The following NDST4 variants were observed in gnomAD, a reference collection of about 807,000 sequenced individuals.
NDST4 encodes N-deacetylase and N-sulfotransferase 4.
A neutral mutation model predicts 100.8 loss-of-function variants in NDST4; 63 were observed. That is an observed-to-expected ratio of 0.62 (90% CI 0.51 to 0.77). NDST4 has a LOEUF of 0.77. NDST4 is among the 30% of genes least tolerant of loss of function. The pLI is 0.00. For missense variants in NDST4, 943 were observed against 1,018.4 expected, an observed-to-expected ratio of 0.93 and a Z score of 1.01; for synonymous variants, 377 against 361.8, an observed-to-expected ratio of 1.04 and a Z score of -0.48.
chr4:114,904,244 C>T (rs1724904898), intron 6 of NDST4, among the ~76,000 whole-genome samples: 1 of 151,908 alleles, frequency 6.6e-6, no homozygotes, highest in Non-Finnish European at 1.5e-5. Context: ...TTAACTACCA[C>T]ATACATCATA....
At chr4:114,961,531 A>G (rs1271760431) in intron 4 of NDST4, among the ~76,000 whole-genome samples, 1 of 152,006 alleles carries the variant, frequency 6.6e-6, no homozygotes, top group African/African-American at 2.4e-5. Flanking sequence ...CCTTATACAA[A>G]TAATAACTGC....
At position 114,989,928 on chromosome 4, in the gene NDST4, A is replaced by T. The variant is rs1481438552; in HGVS notation, c.979-12654T>A. Among the ~76,000 whole-genome samples, 5 of 152,184 alleles carry T rather than the reference A, an allele frequency of 3.3e-5. No individual in the cohort carries two copies. The East Asian group carries it at 9.6e-4, about 29-fold the overall frequency. ...AAAGTACCAGCTACCTTTATTCTTC[A>T]GTAGAGAAGTGTCTCTTCAAAATCC... On this transcript the variant is annotated intron_variant, in intron 2 of 13. Coordinates refer to ENST00000264363, the MANE Select transcript of NDST4 (RefSeq NM_022569.3).
intron 2 of NDST4, among the ~76,000 whole-genome samples, chr4:115,057,048 T>C (rs942255921): frequency 2.0e-5 from 3 of 152,168 alleles, no homozygotes; most frequent in Non-Finnish European, 2.9e-5. Flanking sequence ...TCGTGCACTG[T>C]AGTTACTTAA....
At chr4:114,986,739 G>T (rs533712069) in intron 2 of NDST4, among the ~76,000 whole-genome samples, 1 of 141,490 alleles carries the variant, frequency 7.1e-6, no homozygotes, top group Non-Finnish European at 1.5e-5. Flanking sequence ...ATCAGTTAGG[G>T]CACTGGCATT....
intron 4 of NDST4, among the ~76,000 whole-genome samples, chr4:114,966,625 A>G (rs1289318088): frequency 6.6e-6 from 1 of 152,136 alleles, no homozygotes; most frequent in Admixed American, 6.5e-5. Flanking sequence ...AGGGATAATG[A>G]GGAATGTCAG....
At chr4:114,887,026 A>G (rs1311287165) in intron 6 of NDST4, among the ~76,000 whole-genome samples, 1 of 152,168 alleles carries the variant, frequency 6.6e-6, no homozygotes, top group Non-Finnish European at 1.5e-5. Flanking sequence ...CGAGGTACAT[A>G]ATGGCCACTA....
intron 1 of NDST4, among the ~76,000 whole-genome samples, chr4:115,084,068 T>C (rs1729360772): frequency 6.6e-6 from 1 of 152,156 alleles, no homozygotes; most frequent in Non-Finnish European, 1.5e-5. Flanking sequence ...AAGATAAAGT[T>C]TGGAACTTCC....
chr4:114,977,761 G>GT (rs1726670644), intron 2 of NDST4, among the ~76,000 whole-genome samples: 1 of 151,856 alleles, frequency 6.6e-6, no homozygotes, highest in African/African-American at 2.4e-5. Context: ...GAAAGCTTGG[G>GT]TTTTTACCTT....
At chr4:114,857,382 T>C (rs893741851) in intron 7 of NDST4, among the ~76,000 whole-genome samples, 2 of 152,140 alleles carry the variant, frequency 1.3e-5, no homozygotes, top group Admixed American at 6.5e-5. Flanking sequence ...AACAATTCAC[T>C]GTAAGATGGG....
At chr4:115,003,701 AC>A (rs1287529819) in intron 2 of NDST4, among the ~76,000 whole-genome samples, 1 of 152,048 alleles carries the variant, frequency 6.6e-6, no homozygotes, top group Non-Finnish European at 1.5e-5. Flanking sequence ...CTCCATCTCT[AC>A]TAAAAGTATA....
chr4:114,947,395 A>T (rs932680068), intron 4 of NDST4, among the ~76,000 whole-genome samples: 11 of 152,156 alleles, frequency 7.2e-5, no homozygotes, highest in Admixed American at 1.3e-4. Context: ...GACAACAAAG[A>T]TGTGGTAGCA....
intron 2 of NDST4, among the ~76,000 whole-genome samples, chr4:115,048,855 T>A (rs1211129222): frequency 6.6e-6 from 1 of 151,850 alleles, no homozygotes; most frequent in Non-Finnish European, 1.5e-5. Context: ...GCCAGGCTGG[T>A]CTTGAACTCC....
At chr4:115,087,585 G>A (rs1162111152) in intron 1 of NDST4, among the ~76,000 whole-genome samples, 1 of 151,750 alleles carries the variant, frequency 6.6e-6, no homozygotes, top group African/African-American at 2.4e-5. Context: ...CATGTGAAAA[G>A]TGTTGGCATT....
At chr4:114,937,054 A>C (rs1380780224) in intron 5 of NDST4, among the ~76,000 whole-genome samples, 3 of 152,216 alleles carry the variant, frequency 2.0e-5, no homozygotes, top group African/African-American at 7.2e-5. Context: ...TCAATACTGA[A>C]ACTAAAGTGG....
At chr4:115,045,485 G>T (rs1728445715) in intron 2 of NDST4, among the ~76,000 whole-genome samples, 1 of 152,126 alleles carries the variant, frequency 6.6e-6, no homozygotes, top group African/African-American at 2.4e-5. Flanking sequence ...CCACAGAAAT[G>T]ATCCCTGAGA....
In NDST4 at chr4:114,901,264, A is replaced by G. The variant is rs567441206; in HGVS notation, c.1537-30314T>C. ...TGGGTGTTAAATTTTCAATTACAATACTGGATTAATCTATTTCTCTTTGAA... is the reference window on the plus strand; with the variant it reads ...TGGGTGTTAAATTTTCAATTACAATGCTGGATTAATCTATTTCTCTTTGAA... On this transcript the variant is annotated intron_variant, in intron 6 of 13. Transcript: ENST00000264363. 3.9e-4 allele frequency among the ~76,000 whole-genome samples: 60 copies of G among 152,138 alleles called. 1 individual carries two copies. The South Asian group carries it at 0.012, about 29-fold the overall frequency.
Position 115,076,751 on chromosome 4 carries a change from T to C in NDST4, c.286A>G (p.Ile96Val). ...SQYSQLGQDI[I>V]AILESSRFQY... Reference sequence around the variant, plus strand: ...AATCGGCTGGACTCCAAAATAGCTATGATATCTTGACCGAGTTGAGAGTAT... The same window carrying C: ...AATCGGCTGGACTCCAAAATAGCTACGATATCTTGACCGAGTTGAGAGTAT... Residue 96 changes from isoleucine to valine, a missense_variant, in exon 2 of 14, where the codon ATA (isoleucine) becomes GTA (valine). Physicochemically the swap from Ile to Val is conservative, Grantham distance 29. This residue lies in a region of NDST4 where 417 missense variants were observed against 384.2 expected (regional missense o/e 1.09). Transcript: ENST00000264363. 2.5e-6 allele frequency: 4 copies of C among 1,613,986 alleles called. No homozygotes were observed. Among genetic ancestry groups the C allele is most frequent in the Non-Finnish European group, 3.4e-6 (4 of 1,179,938 alleles).
At chr4:114,896,769 A>G (rs1361081389) in intron 6 of NDST4, among the ~76,000 whole-genome samples, 1 of 152,224 alleles carries the variant, frequency 6.6e-6, no homozygotes, top group Non-Finnish European at 1.5e-5. Context: ...CAGCTATTTT[A>G]CATGGTAATT....
At chr4:114,975,206 T>A (rs1726605684) in intron 3 of NDST4, among the ~76,000 whole-genome samples, 1 of 152,128 alleles carries the variant, frequency 6.6e-6, no homozygotes, top group African/African-American at 2.4e-5. Flanking sequence ...CATATAATTA[T>A]GATGGCACTC....
Sources: gnomAD v4.1 joint callset for allele counts (sites outside exome capture counted in the v4.1 genomes callset) on GRCh38, gnomAD v4.1.1 for gene constraint, gnomAD v4.1.1 regional missense constraint, MANE v1.5 for transcripts, NCBI Gene and HGNC (gene_info 2026-07-23, HGNC 2026-07-21) for gene names.